Variants in SACS observed in about 807,000 individuals in gnomAD.
SACS encodes the protein sacsin molecular chaperone.
In SACS, 197 loss-of-function variants were observed where a neutral mutation model predicts 348.0. The ratio of observed to expected loss-of-function variants is 0.57; its 90% CI spans 0.50 to 0.64. The LOEUF is 0.64. Among genes scored for constraint, SACS ranks in the 30% least tolerant of loss-of-function variants. The probability of loss-of-function intolerance (pLI) is 0.00; values close to 1 mark genes in which losing one functional copy is unlikely to be tolerated. For missense variants in SACS, 4,999 were observed against 5,360.8 expected (o/e 0.93, Z 2.11); for synonymous variants, 1,985 against 1,910.6 (o/e 1.04, Z -1.02).
At chr13:23,373,851 T>G (rs1871562852) in intron 3 of SACS, 1 of 152,420 alleles carries the variant, frequency 6.6e-6, no homozygotes. Context: ...CTGAACCTTT[T>G]TGGCCTGGCT....
rs9578585 is a variant in SACS at position 23,354,058 on chromosome 13, G to A, written c.2094-182C>T. On this transcript the variant is annotated intron_variant, in intron 8 of 9. Coordinates refer to ENST00000382292, the MANE Select transcript of SACS (RefSeq NM_014363.6). The stretch of plus-strand genomic sequence containing the variant: ...TATTATCTAGACTTTGCTTTAAAAC[G>A]TGAAGGCATCATGTACTTTACTCAA... 0.019 allele frequency among the ~76,000 whole-genome samples: 2,944 copies of A among 152,234 alleles called. 109 individuals are homozygous for A. The highest frequency in any genetic ancestry group is 0.066 in the African/African-American group (2,736 of 41,526).
chr13:23,357,369 T>C (rs1346605572), intron 7 of SACS, among the ~76,000 whole-genome samples: 2 of 152,180 alleles, frequency 1.3e-5, no homozygotes, highest in African/African-American at 4.8e-5. Context: ...TGATTTGTAA[T>C]TTAGTCAATA....
rs754060163 is a variant in SACS, at chr13:23,337,076, G to C, written c.6800C>G (p.Ser2267Cys). Residue 2267 changes from serine to cysteine, a missense_variant, in exon 10 of 10, where the codon TCT (serine) becomes TGT (cysteine). Ser to Cys is a moderately radical substitution (Grantham distance 112). Around this residue, in one of 6 missense-constraint regions of SACS, gnomAD observed 3,156 missense variants for 3,380.1 expected, o/e 0.93. Transcript: ENST00000382292. ...TGACACTGAACCACAACCTCTAAAAGAATGGGAATTTTCATTTAGAATTGG... is the reference window on the plus strand; with the variant it reads ...TGACACTGAACCACAACCTCTAAAACAATGGGAATTTTCATTTAGAATTGG... ...LQPILNENSH[S>C]FRGCGSVSLA... 22 of 1,613,808 alleles carry C rather than the reference G, an allele frequency of 1.4e-5. No homozygotes were observed. Among genetic ancestry groups the C allele is most frequent in the African/African-American group, 2.7e-5 (2 of 74,900 alleles).
At chr13:23,430,101 G>A (rs185219225) in intron 1 of SACS, among the ~76,000 whole-genome samples, 46 of 152,110 alleles carry the variant, frequency 3.0e-4, no homozygotes, top group Admixed American at 2.0e-3. Context: ...CCAGCCACTC[G>A]AGAGGCTGAG....
At chr13:23,384,098 C>T (rs2137875259) in intron 2 of SACS, among the ~76,000 whole-genome samples, 1 of 152,332 alleles carries the variant, frequency 6.6e-6, no homozygotes, top group East Asian at 1.9e-4. Context: ...AACACTCCTT[C>T]ACATTTCAGG....
chr13:23,363,497 A>G (rs1870870910), intron 6 of SACS, among the ~76,000 whole-genome samples: 1 of 152,216 alleles, frequency 6.6e-6, no homozygotes, highest in South Asian at 2.1e-4. Context: ...AAGTGCTGGG[A>G]TTACAGGTGT....
chr13:23,330,909 A>T lies in SACS; in HGVS notation c.12967T>A (p.Ser4323Thr). The change falls in exon 10 of 10, where the codon TCG becomes ACG. Residue 4323 changes from serine (S) to threonine (T), a missense_variant. Ser to Thr is a moderately conservative substitution (Grantham distance 58). This residue lies in a region of SACS where 831 missense variants were observed against 941.8 expected (regional missense o/e 0.88). Transcript: ENST00000382292. ...VVEQAWKLPE[S>T]ERKKIIRRLY... ...CGCCTAATAATCTTTTTTCGTTCCGATTCTGGAAGCTTCCATGCTTGCTCC... is the reference window on the plus strand; with the variant it reads ...CGCCTAATAATCTTTTTTCGTTCCGTTTCTGGAAGCTTCCATGCTTGCTCC... 1 of 1,613,970 alleles carries T rather than the reference A, an allele frequency of 6.2e-7. No homozygotes were observed. The highest frequency in any genetic ancestry group is 8.5e-7 in the Non-Finnish European group (1 of 1,179,990).
chr13:23,343,210 T>A (rs1296816580), intron 9 of SACS, among the ~76,000 whole-genome samples: 1 of 152,216 alleles, frequency 6.6e-6, no homozygotes, highest in African/African-American at 2.4e-5. Context: ...TAACAGTTTC[T>A]TTCTAAGTGA....
Position 23,355,850 on chromosome 13 carries a change from A to G in SACS, c.762T>C (p.Phe254=). 2 of 1,614,240 alleles carry G rather than the reference A, an allele frequency of 1.2e-6. No individual in the cohort carries two copies. The highest frequency in any genetic ancestry group is 1.7e-6 in the Non-Finnish European group (2 of 1,180,042). The change falls in exon 8 of 10, where the codon TTT becomes TTC. Residue 254 remains phenylalanine, a synonymous_variant. Coordinates refer to ENST00000382292, the MANE Select transcript of SACS (RefSeq NM_014363.6). ...TTATAAATGTTTCCTTGGTGCTTCC[A>G]AAAATGCCAACAAATGGTGCAAACT... ...SDQFAPFVGI[F]GSTKETFING... is the part of the protein sequence containing the mutation.
In SACS at chr13:23,332,195, T is replaced by C. The variant is rs1271359284; in HGVS notation, c.11681A>G (p.Lys3894Arg). The change falls in exon 10 of 10, where the codon AAG becomes AGG. Residue 3894 changes from lysine (K) to arginine (R), a missense_variant. Lys to Arg is a conservative substitution (Grantham distance 26, BLOSUM62 2). Around this residue, in one of 6 missense-constraint regions of SACS, gnomAD observed 831 missense variants for 941.8 expected, o/e 0.88. Coordinates refer to ENST00000382292, the MANE Select transcript of SACS (RefSeq NM_014363.6). ...LFRSLQNDSV[K>R]VRSDLENVRD... ...TACATTCTCGAGATCACTCCTCACC[T>C]TGACTGAATCATTCTGTAGACTCCT... is the stretch of plus-strand genomic sequence containing the variant. 1 of 1,614,036 alleles carries C rather than the reference T, an allele frequency of 6.2e-7. No homozygotes were observed. The highest frequency in any genetic ancestry group is 2.2e-5 in the East Asian group (1 of 44,886).
At chr13:23,343,616 G>A (rs141859173) in intron 9 of SACS, among the ~76,000 whole-genome samples, 10 of 152,276 alleles carry the variant, frequency 6.6e-5, no homozygotes, top group South Asian at 2.1e-4. Context: ...CCCGGGAGGC[G>A]GAGGTTGCAG....
At chr13:23,408,595 C>CT (rs748831965) in intron 2 of SACS, among the ~76,000 whole-genome samples, 2 of 152,208 alleles carry the variant, frequency 1.3e-5, no homozygotes, top group Non-Finnish European at 2.9e-5. Flanking sequence ...TGCTGTGACT[C>CT]TGAGCATGCC....
At chr13:23,422,313 C>A (rs1873984555) in intron 1 of SACS, among the ~76,000 whole-genome samples, 1 of 152,202 alleles carries the variant, frequency 6.6e-6, no homozygotes, top group Non-Finnish European at 1.5e-5. Context: ...TTTATTATAT[C>A]ACTGAATGTA....
chr13:23,352,975 A>G (rs1231146850), intron 9 of SACS, among the ~76,000 whole-genome samples: 1 of 152,182 alleles, frequency 6.6e-6, no homozygotes, highest in Non-Finnish European at 1.5e-5. Flanking sequence ...AAAAAAGTAC[A>G]TTCCATAAAA....
Position 23,340,110 on chromosome 13 carries a change from A to G in SACS, c.3766T>C (p.Tyr1256His). The change falls in exon 10 of 10, where the codon TAC (tyrosine) becomes CAC (histidine). Residue 1256 changes from tyrosine (Y) to histidine (H), a missense_variant. Transcript: ENST00000382292. ...YQFQHILLEI[Y>H]GFMHDHLNEG... The stretch of plus-strand genomic sequence containing the variant: ...TTTAGATGATCATGCATGAATCCGT[A>G]AATCTCAAGCAAAATATGCTGGAAT... 6.2e-7 allele frequency: 1 copy of G among 1,613,960 alleles called. No homozygotes were observed. Among genetic ancestry groups the G allele is most frequent in the South Asian group, 1.1e-5 (1 of 91,002 alleles).
intron 7 of SACS, 47 bp downstream of exon 7, chr13:23,358,288 A>C: frequency 6.3e-7 from 1 of 1,580,978 alleles, no homozygotes; most frequent in Non-Finnish European, 8.7e-7. Flanking sequence ...ACAGAATGTA[A>C]GATATAATAT....
rs1325703602 is a variant in SACS, at chr13:23,336,271, G to C, written c.7605C>G (p.Ile2535Met). Residue 2535 changes from isoleucine to methionine, a missense_variant, in exon 10 of 10, where the codon ATC (isoleucine) becomes ATG (methionine). By Grantham distance (10) the Ile-to-Met change is conservative (BLOSUM62 1). This residue lies in a region of SACS where 3,156 missense variants were observed against 3,380.1 expected (regional missense o/e 0.93). Coordinates refer to ENST00000382292, the MANE Select transcript of SACS (RefSeq NM_014363.6). Reference protein sequence around the residue: ...KEKLTSRIKSILNAYPSEKEM... With the variant: ...KEKLTSRIKSMLNAYPSEKEM... ...CCTTTTCAGAAGGATATGCATTAAG[G>C]ATGCTCTTAATTCTGCTGGTCAATT... The C allele has an allele frequency of 6.2e-7, 1 of 1,614,066 alleles. No homozygotes were observed. Among genetic ancestry groups the C allele is most frequent in the Non-Finnish European group, 8.5e-7 (1 of 1,179,952 alleles).
Position 23,336,235 on chromosome 13 carries a change from T to C in SACS, c.7641A>G (p.Lys2547=), listed in dbSNP as rs780021681. The C allele has an allele frequency of 1.6e-4, 261 of 1,613,976 alleles. No individual in the cohort carries two copies. Among genetic ancestry groups the C allele is most frequent in the Non-Finnish European group, 2.1e-4 (253 of 1,179,960 alleles). ...CATCATCAGCATTTTGAAGAAGCTC[T>C]TTCAACATTTCCTTTTCAGAAGGAT... The part of the protein sequence containing the change: ...NAYPSEKEML[K]ELLQNADDAK... Residue 2547 remains lysine, a synonymous_variant, in exon 10 of 10, where the codon AAA becomes AAG. Transcript: ENST00000382292.
chr13:23,408,451 A>C (rs1323694265), intron 2 of SACS, among the ~76,000 whole-genome samples: 1 of 152,254 alleles, frequency 6.6e-6, no homozygotes, highest in Non-Finnish European at 1.5e-5. Context: ...CTTCAGATGA[A>C]TATATTTAAT....
Sources: allele counts gnomAD v4.1 joint callset (sites outside exome capture counted in the v4.1 genomes callset), GRCh38; gene constraint gnomAD v4.1.1; regional missense constraint gnomAD v4.1.1; transcripts MANE v1.5; gene names NCBI Gene and HGNC (gene_info 2026-07-23, HGNC 2026-07-21).